ZNF521: variants seen among roughly 807,000 people sequenced by gnomAD.
ZNF521 encodes LYST-interacting protein 3.
In ZNF521, 14 loss-of-function variants were observed where a neutral mutation model predicts 105.5. The ratio of observed to expected loss-of-function variants is 0.13; its 90% CI spans 0.09 to 0.21. ZNF521 has a LOEUF of 0.21. Among genes scored for constraint, ZNF521 ranks in the 10% least tolerant of loss-of-function variants. The probability of loss-of-function intolerance (pLI) is 1.00; values close to 1 mark genes in which losing one functional copy is unlikely to be tolerated. For synonymous variants in ZNF521, 635 were observed against 606.0 expected (o/e 1.05, Z -0.70); for missense variants, 1,233 against 1,629.7 (o/e 0.76, Z 4.19).
intron 3 of ZNF521, among the ~76,000 whole-genome samples, chr18:25,265,120 T>A (rs1318653932): frequency 1.3e-5 from 2 of 152,184 alleles, no homozygotes; most frequent in Admixed American, 6.5e-5. Flanking sequence ...CATACATTTT[T>A]AAAAATATTA....
chr18:25,262,876 AAG>A (rs1378227493), intron 3 of ZNF521, among the ~76,000 whole-genome samples: 1 of 152,180 alleles, frequency 6.6e-6, no homozygotes, highest in Non-Finnish European at 1.5e-5. Context: ...AGGAGGTAGA[AAG>A]GGGCTGAGGA....
At chr18:25,172,030 G>T (rs578192439) in intron 5 of ZNF521, among the ~76,000 whole-genome samples, 1 of 151,834 alleles carries the variant, frequency 6.6e-6, no homozygotes, top group African/African-American at 2.4e-5. Flanking sequence ...TCTCTTTTGG[G>T]GGGGAAGAGG....
intron 5 of ZNF521, among the ~76,000 whole-genome samples, chr18:25,108,024 T>A (rs575848648): frequency 6.6e-6 from 1 of 152,342 alleles, no homozygotes; most frequent in South Asian, 2.1e-4. Context: ...GCCTTCTCCA[T>A]CTCTCTTAGA....
At chr18:25,316,847 C>CTTTTTT (rs200212987) in intron 3 of ZNF521, among the ~76,000 whole-genome samples, 2 of 126,980 alleles carry the variant, frequency 1.6e-5, no homozygotes, top group Non-Finnish European at 1.7e-5. Context: ...GCAAGTAAGA[C>CTTTTTT]TTTTTTTTTT....
chr18:25,192,827 T>C (rs2035841947), intron 5 of ZNF521, among the ~76,000 whole-genome samples: 1 of 152,088 alleles, frequency 6.6e-6, no homozygotes, highest in South Asian at 2.1e-4. Context: ...AGGGGTATCT[T>C]AGCCTTTGTG....
At chr18:25,207,092 C>T (rs1471562620) in intron 4 of ZNF521, among the ~76,000 whole-genome samples, 2 of 151,986 alleles carry the variant, frequency 1.3e-5, no homozygotes, top group Non-Finnish European at 2.9e-5. Flanking sequence ...AAAAAAATGC[C>T]CCCATATTCT....
intron 2 of ZNF521, among the ~76,000 whole-genome samples, chr18:25,339,691 G>A (rs146498270): frequency 7.9e-5 from 12 of 152,118 alleles, no homozygotes; most frequent in Non-Finnish European, 1.5e-4. Context: ...TACATTGTAG[G>A]TTACGGGGAT....
At position 25,062,543 on chromosome 18, in the gene ZNF521, C is replaced by T. The variant is rs565532643; in HGVS notation, c.*169G>A. ...TTATATACAAGGGGTCTATCCGGTG[C>T]GCAAAAGTTCAAACACATGAACATC... On this transcript the variant is annotated 3_prime_UTR_variant, in exon 8 of 8. Transcript: ENST00000361524. The T allele has an allele frequency of 1.5e-4, 130 of 862,526 alleles. No individual in the cohort carries two copies. The highest frequency in any genetic ancestry group is 3.1e-4 in the Middle Eastern group (1 of 3,270). 53.4% of individuals were successfully genotyped at this position (862,526 alleles called of 1,614,324 possible).
At chr18:25,330,045 C>G (rs1913474016) in intron 2 of ZNF521, among the ~76,000 whole-genome samples, 1 of 152,180 alleles carries the variant, frequency 6.6e-6, no homozygotes, top group African/African-American at 2.4e-5. Flanking sequence ...GCATGCTTTT[C>G]TCACTATCTT....
chr18:25,269,223 C>G (rs1427875755), intron 3 of ZNF521, among the ~76,000 whole-genome samples: 1 of 151,848 alleles, frequency 6.6e-6, no homozygotes, highest in Non-Finnish European at 1.5e-5. Flanking sequence ...GGAATCAATG[C>G]AACAAGAAGA....
chr18:25,238,258 T>A (rs1056701623), intron 3 of ZNF521, among the ~76,000 whole-genome samples: 2 of 152,190 alleles, frequency 1.3e-5, no homozygotes, highest in East Asian at 1.9e-4. Flanking sequence ...TTAAAAAAAA[T>A]TCATTGTTTT....
intron 3 of ZNF521, among the ~76,000 whole-genome samples, chr18:25,304,174 C>A (rs946616006): frequency 2.6e-5 from 4 of 152,180 alleles, no homozygotes; most frequent in African/African-American, 9.7e-5. Context: ...CCTGAAGACA[C>A]TTCATGACAT....
intron 2 of ZNF521, among the ~76,000 whole-genome samples, chr18:25,334,253 A>G (rs1913750585): frequency 6.6e-6 from 1 of 152,218 alleles, no homozygotes; most frequent in African/African-American, 2.4e-5. Context: ...AGAGTAGAAA[A>G]GGAGAGGGAA....
chr18:25,120,422 A>G (rs1033703772), intron 5 of ZNF521, among the ~76,000 whole-genome samples: 2 of 152,134 alleles, frequency 1.3e-5, no homozygotes, highest in Non-Finnish European at 2.9e-5. Flanking sequence ...ATCTCTACTA[A>G]AAATACGAAA....
chr18:25,296,656 G>A (rs1321362954), intron 3 of ZNF521, among the ~76,000 whole-genome samples: 1 of 152,054 alleles, frequency 6.6e-6, no homozygotes, highest in African/African-American at 2.4e-5. Flanking sequence ...TTCTTTCTGG[G>A]AGCCTCTGCA....
rs181452497 is a variant in ZNF521 at position 25,322,016 on chromosome 18, T to C, written c.212A>G (p.Gln71Arg). Reference sequence around the variant, plus strand: ...TGATAAGTATTGTTTACCTGTCAGTTGACATTGATTAATCTTGTGTTCTGT... The same window carrying C: ...TGATAAGTATTGTTTACCTGTCAGTCGACATTGATTAATCTTGTGTTCTGT... Reference protein sequence around the residue: ...DITEHKINQCQLTDGVDVEDD... With the variant: ...DITEHKINQCRLTDGVDVEDD... The change falls in exon 3 of 8, where the codon CAA (glutamine) becomes CGA (arginine). Residue 71 changes from glutamine (Q) to arginine (R), a missense_variant. Transcript: ENST00000361524. 6.2e-7 allele frequency: 1 copy of C among 1,613,904 alleles called. No homozygotes were observed. The highest frequency in any genetic ancestry group is 1.3e-5 in the African/African-American group (1 of 75,040).
chr18:25,322,135 A>G lies in ZNF521; in HGVS notation c.93T>C (p.Cys31=), dbSNP rs1912964584. The G allele has an allele frequency of 1.2e-6, 2 of 1,614,142 alleles. No homozygotes were observed. The highest frequency in any genetic ancestry group is 2.2e-5 in the South Asian group (2 of 91,072). The change falls in exon 3 of 8, where the codon TGT becomes TGC. Residue 31 remains cysteine, a synonymous_variant. Coordinates refer to ENST00000361524, the MANE Select transcript of ZNF521 (RefSeq NM_015461.3). ...DKTEDGEALD[C]KKRPEDGEEL... is the part of the protein sequence containing the mutation. ...CCTCCCCGTCTTCCGGCCTCTTCTT[A>G]CAATCTAGTGCCTCTCCATCTTCAG...
chr18:25,194,113 C>T (rs1361269726), intron 5 of ZNF521, among the ~76,000 whole-genome samples: 1 of 151,700 alleles, frequency 6.6e-6, no homozygotes, highest in Non-Finnish European at 1.5e-5. Flanking sequence ...AATTAGTATA[C>T]AATCAAACTT....
At chr18:25,143,673 CTAT>C (rs2034892384) in intron 5 of ZNF521, among the ~76,000 whole-genome samples, 1 of 152,006 alleles carries the variant, frequency 6.6e-6, no homozygotes, top group Non-Finnish European at 1.5e-5. Flanking sequence ...TTATACATTT[CTAT>C]TATTTAAAAA....
Sources: allele counts gnomAD v4.1 joint callset (sites outside exome capture counted in the v4.1 genomes callset), GRCh38; gene constraint gnomAD v4.1.1; transcripts MANE v1.5; gene names NCBI Gene and HGNC (gene_info 2026-07-23, HGNC 2026-07-21).